Variants in SPG7 observed in about 807,000 individuals in gnomAD.
SPG7 encodes the protein mitochondrial inner membrane m-AAA protease component paraplegin.
SPG7 carries 103 observed loss-of-function variants against 81.9 expected under a neutral mutation model. That is an observed-to-expected ratio of 1.26 (90% confidence interval 1.07 to 1.48). SPG7 has a LOEUF of 1.48. Ranked by LOEUF, SPG7 falls within the 40% of genes most tolerant of loss-of-function variation. The probability of loss-of-function intolerance (pLI) is 0.00; values close to 1 mark genes in which losing one functional copy is unlikely to be tolerated. For synonymous variants in SPG7, 534 were observed against 444.2 expected (o/e 1.20, Z -2.54); for missense variants, 1,241 against 1,087.3 (o/e 1.14, Z -1.99).
At chr16:89,541,426 C>A in intron 9 of SPG7, 4 of 749,570 alleles carry the variant, frequency 5.3e-6, no homozygotes, top group Non-Finnish European at 6.5e-6. Context: ...GGATGGAGAA[C>A]GGGTTACTGG....
At chr16:89,545,617 G>A (rs2058553760) in intron 10 of SPG7, 1 of 248,106 alleles carries the variant, frequency 4.0e-6, no homozygotes, top group Non-Finnish European at 7.9e-6. Flanking sequence ...TTCTCCAGGG[G>A]ACACTGTTTC....
chr16:89,509,788 T>TC (rs899909671), intron 1 of SPG7, among the ~76,000 whole-genome samples: 2 of 44,676 alleles, frequency 4.5e-5, no homozygotes, highest in African/African-American at 1.4e-4. Flanking sequence ...GTTTTCTTCT[T>TC]TTTTTTTTTT....
At chr16:89,531,844 T>TAAAAAACA (rs1023383027) in intron 7 of SPG7, 60 bp from the exon 8 acceptor site, 18 of 1,597,858 alleles carry the variant, frequency 1.1e-5, no homozygotes, top group Middle Eastern at 1.7e-4. Context: ...ACCTTACCTC[T>TAAAAAACA]AAAAAACAAA....
At position 89,532,546 on chromosome 16, in the gene SPG7, G is replaced by GA; in HGVS notation, c.1234_1235insA (p.Ala412AspfsTer48). On this transcript the variant is annotated frameshift_variant, in exon 9 of 17. Coordinates refer to ENST00000645818, the MANE Select transcript of SPG7 (RefSeq NM_003119.4). LOFTEE classifies it high-confidence loss of function. ...CATCGTCTACATCGATGAGATCGAC[G>GA]CGGTGGGCAAGAAGCGCTCCACCAC... 4 of 1,613,744 alleles carry GA rather than the reference G, an allele frequency of 2.5e-6. No homozygotes were observed. Among genetic ancestry groups the GA allele is most frequent in the Non-Finnish European group, 2.5e-6 (3 of 1,180,044 alleles).
Position 89,531,900 on chromosome 16 carries a change from C to T in SPG7, c.988-4C>T. ...TTAGTGTTGCATTGTCTGCTGCCGT[C>T]CAGAGCCCAGAACGCTTCCTCCAGC... is the stretch of plus-strand genomic sequence containing the variant. On this transcript the variant is annotated splice_region_variant and splice_polypyrimidine_tract_variant and intron_variant, in intron 7 of 16. Coordinates refer to ENST00000645818, the MANE Select transcript of SPG7 (RefSeq NM_003119.4). 1 of 1,614,066 alleles carries T rather than the reference C, an allele frequency of 6.2e-7. No homozygotes were observed. Among genetic ancestry groups the T allele is most frequent in the Non-Finnish European group, 8.5e-7 (1 of 1,179,960 alleles).
At chr16:89,527,522 A>T (rs1486072502) in intron 5 of SPG7, 1 of 152,254 alleles carries the variant, frequency 6.6e-6, no homozygotes, top group Non-Finnish European at 1.5e-5. Flanking sequence ...AGTAAGAAAG[A>T]AAGTCAAGGA....
intron 16 of SPG7, 112 bp downstream of exon 16, chr16:89,554,675 A>G (rs2058669388): frequency 1.4e-6 from 1 of 736,864 alleles, no homozygotes; most frequent in Non-Finnish European, 2.4e-6. Flanking sequence ...TACAGAGAAC[A>G]CTCTGACCGA....
At chr16:89,544,910 G>A (rs1567926606) in intron 10 of SPG7, 138 bp downstream of exon 10, 1 of 1,082,530 alleles carries the variant, frequency 9.2e-7, no homozygotes, top group Non-Finnish European at 1.4e-6. Flanking sequence ...GTCCAGCGTG[G>A]CCCCCGCATC....
At chr16:89,529,131 T>C (rs2058307266) in intron 5 of SPG7, 3 of 368,812 alleles carry the variant, frequency 8.1e-6, no homozygotes, top group Non-Finnish European at 1.6e-5. Flanking sequence ...CTTTTTACTC[T>C]TAGGCTGATC....
rs747354081 is a variant in SPG7, at chr16:89,529,517, A to T, written c.799A>T (p.Ile267Phe). Residue 267 changes from isoleucine to phenylalanine, a missense_variant, in exon 6 of 17, where the codon ATC becomes TTC. Transcript: ENST00000645818. ...GGGGATGACGGCAGTGGGCCTGGCC[A>T]TCCTGTGGTATGTTTTCCGTCTGGC... ...SVGMTAVGLA[I>F]LWYVFRLAGM... The T allele has an allele frequency of 9.3e-6, 15 of 1,613,924 alleles. No individual in the cohort carries two copies. The highest frequency in any genetic ancestry group is 1.2e-5 in the Non-Finnish European group (14 of 1,179,958).
intron 2 of SPG7, among the ~76,000 whole-genome samples, chr16:89,512,697 C>T (rs1016587520): frequency 6.6e-6 from 1 of 152,316 alleles, no homozygotes; most frequent in African/African-American, 2.4e-5. Context: ...TTTTTATTCC[C>T]TCACATTAGC....
chr16:89,536,736 G>T (rs753636498), intron 9 of SPG7: 1 of 1,612,946 alleles, frequency 6.2e-7, no homozygotes, highest in South Asian at 1.1e-5. Context: ...TCTTCGTCCT[G>T]TGAGTCTGCG....
In SPG7 at chr16:89,546,711, C is replaced by A; in HGVS notation, c.1503C>A (p.Ser501=). ...QHLKSLKLTQ[S]STFYSQRLAE... The stretch of plus-strand genomic sequence containing the variant: ...TGAAGAGCCTGAAGCTGACCCAGTC[C>A]AGCACCTTTTACTCCCAGCGTCTGG... Residue 501 remains serine, a synonymous_variant, in exon 11 of 17, where the codon TCC becomes TCA. Coordinates refer to ENST00000645818, the MANE Select transcript of SPG7 (RefSeq NM_003119.4). 1 of 1,613,862 alleles carries A rather than the reference C, an allele frequency of 6.2e-7. No individual in the cohort carries two copies.
In SPG7 at chr16:89,552,275, A is replaced by T. The variant is rs114170530; in HGVS notation, c.1780-704A>T. On this transcript the variant is annotated intron_variant, in intron 13 of 16. Coordinates refer to ENST00000645818, the MANE Select transcript of SPG7 (RefSeq NM_003119.4). The stretch of plus-strand genomic sequence containing the variant: ...GGGGTCTCGTTATGTTGCCCAGGCT[A>T]GTCTCGAACTCCTGGGCTCATGCAA... The T allele has an allele frequency of 6.0e-3, 912 of 153,124 alleles. 5 individuals are homozygous for T. The highest frequency in any genetic ancestry group is 0.024 in the Middle Eastern group (7 of 294). The allele number at this position is 153,124 out of a possible 1,614,324, so 9.5% of individuals were successfully genotyped here. A position where few individuals can be genotyped will look rare whatever the true frequency, so the allele number is the denominator to read the frequency against.
intron 2 of SPG7, among the ~76,000 whole-genome samples, chr16:89,512,688 T>A (rs537259147): frequency 6.6e-6 from 1 of 152,382 alleles, no homozygotes; most frequent in African/African-American, 2.4e-5. Flanking sequence ...CATAACTATT[T>A]TTTATTCCCT....
intron 3 of SPG7, chr16:89,520,398 T>C: frequency 5.3e-6 from 1 of 188,660 alleles, no homozygotes; most frequent in Non-Finnish European, 1.1e-5. Flanking sequence ...GTTTGTTTGT[T>C]TGTTTGTTTG....
At chr16:89,523,807 A>C in intron 3 of SPG7, 199 bp from the exon 4 acceptor site, 1 of 740,270 alleles carries the variant, frequency 1.4e-6, no homozygotes, top group Admixed American at 2.0e-5. Flanking sequence ...TCAGCGAATG[A>C]AGTGTGGGTG....
At chr16:89,519,102 G>T (rs2058148005) in intron 3 of SPG7, 1 of 151,760 alleles carries the variant, frequency 6.6e-6, no homozygotes, top group Non-Finnish European at 1.5e-5. Context: ...TCCTGCCTCA[G>T]CCTCCTGAGT....
intron 3 of SPG7, chr16:89,517,276 TG>T (rs1206580991): frequency 1.4e-5 from 2 of 139,804 alleles, no homozygotes; most frequent in African/African-American, 5.3e-5. Context: ...TCCGTTGTCA[TG>T]GTTCCTGGAG....
Sources: gnomAD v4.1 joint callset for allele counts (sites outside exome capture counted in the v4.1 genomes callset) on GRCh38, gnomAD v4.1.1 for gene constraint, MANE v1.5 for transcripts, NCBI Gene and HGNC (gene_info 2026-07-23, HGNC 2026-07-21) for gene names.